PAQR5: variants seen among roughly 807,000 people sequenced by gnomAD.
PAQR5 encodes membrane progestin receptor gamma.
In PAQR5, 20 loss-of-function variants were observed where a neutral mutation model predicts 34.5. The ratio of observed to expected loss-of-function variants is 0.58; its 90% confidence interval spans 0.41 to 0.84. The LOEUF is 0.84. Ranked by LOEUF, PAQR5 falls within the 40% of genes least tolerant of loss-of-function variation. The probability of loss-of-function intolerance (pLI) is 0.00; values close to 1 mark genes in which losing one functional copy is unlikely to be tolerated. For synonymous variants in PAQR5, 131 were observed against 155.6 expected (o/e 0.84, Z 1.18); for missense variants, 378 against 412.7 (o/e 0.92, Z 0.73).
At chr15:69,364,053 C>G (rs1253533255) in intron 3 of PAQR5, among the ~76,000 whole-genome samples, 1 of 152,148 alleles carries the variant, frequency 6.6e-6, no homozygotes, top group Non-Finnish European at 1.5e-5. Flanking sequence ...TCTCAGTGTT[C>G]TTATCTGTAA....
At chr15:69,348,865 G>C (rs776625664) in intron 2 of PAQR5, among the ~76,000 whole-genome samples, 2 of 152,206 alleles carry the variant, frequency 1.3e-5, no homozygotes, top group African/African-American at 4.8e-5. Context: ...GCCCGATGGA[G>C]TGGGATGGTG....
At chr15:69,351,359 T>G (rs2054913678) in intron 2 of PAQR5, among the ~76,000 whole-genome samples, 2 of 152,260 alleles carry the variant, frequency 1.3e-5, no homozygotes, top group South Asian at 4.1e-4. Flanking sequence ...CAGTGGATTA[T>G]CACAAGCTTA....
chr15:69,339,192 T>G (rs1314834712), intron 2 of PAQR5, among the ~76,000 whole-genome samples: 1 of 120,152 alleles, frequency 8.3e-6, no homozygotes, highest in Non-Finnish European at 2.0e-5. Flanking sequence ...GCCACCAAGT[T>G]ATCCTTAAAA....
chr15:69,351,098 C>G (rs2054906227), intron 2 of PAQR5, among the ~76,000 whole-genome samples: 1 of 152,310 alleles, frequency 6.6e-6, no homozygotes, highest in Admixed American at 6.5e-5. Context: ...TGGGAGAATC[C>G]CCACATTGCT....
chr15:69,381,868 C>T (rs747026129), intron 4 of PAQR5, among the ~76,000 whole-genome samples: 1 of 152,184 alleles, frequency 6.6e-6, no homozygotes, highest in Non-Finnish European at 1.5e-5. Context: ...TCAGCTCCTG[C>T]ATATGAAAAG....
At position 69,322,729 on chromosome 15, in the gene PAQR5, A is replaced by G. The variant is rs60270671; in HGVS notation, c.-276-14612A>G. ...GAAGAAGAAGAAGAAGAAGAAGAAG[A>G]AGAAGAAGAAGAAGAAGAAGAAGAA... On this transcript the variant is annotated intron_variant, in intron 1 of 8. Transcript: ENST00000395407. Among the ~76,000 whole-genome samples, 265 of 28,122 alleles carry G rather than the reference A, an allele frequency of 9.4e-3. 16 individuals are homozygous for G. The highest frequency in any genetic ancestry group is 0.061 in the East Asian group (43 of 700). 18.4% of individuals were successfully genotyped at this position (28,122 alleles called of 152,430 possible).
At chr15:69,402,947 G>A (rs929287474) in intron 8 of PAQR5, among the ~76,000 whole-genome samples, 1 of 152,238 alleles carries the variant, frequency 6.6e-6, no homozygotes, top group African/African-American at 2.4e-5. Context: ...AGGGCACCAT[G>A]TGAGCTGGGT....
chr15:69,346,597 C>T (rs998098281), intron 2 of PAQR5, among the ~76,000 whole-genome samples: 1 of 149,802 alleles, frequency 6.7e-6, no homozygotes, highest in Non-Finnish European at 1.5e-5. Flanking sequence ...GTATTATAAG[C>T]GTGAGCTACC....
chr15:69,356,491 C>T (rs940929167), intron 2 of PAQR5, among the ~76,000 whole-genome samples: 2 of 152,130 alleles, frequency 1.3e-5, no homozygotes, highest in Non-Finnish European at 2.9e-5. Context: ...ATAAAATATA[C>T]ATAACATTTA....
At chr15:69,390,344 A>ATT (rs201375546) in intron 6 of PAQR5, among the ~76,000 whole-genome samples, 1 of 118,994 alleles carries the variant, frequency 8.4e-6, no homozygotes, top group Non-Finnish European at 1.9e-5. Context: ...TTATTTATTT[A>ATT]TTTATTTATT....
At chr15:69,319,818 G>GTCTTGGTTCTGC (rs2054052376) in intron 1 of PAQR5, among the ~76,000 whole-genome samples, 1 of 152,188 alleles carries the variant, frequency 6.6e-6, no homozygotes. Context: ...TTGTCTGGGG[G>GTCTTGGTTCTGC]TCTTGGTTCT....
At position 69,390,348 on chromosome 15, in the gene PAQR5, A is replaced by ATTTTT. The variant is rs67519047; in HGVS notation, c.512+571_512+572insTTTTT. ...TATTTATTTATTTATTTATTTATTT[A>ATTTTT]TTTATTTATTTATTTTTTTGAGACA... is the stretch of plus-strand genomic sequence containing the variant. On this transcript the variant is annotated intron_variant, in intron 6 of 8. Coordinates refer to ENST00000395407, the MANE Select transcript of PAQR5 (RefSeq NM_017705.4). 5.4e-3 allele frequency among the ~76,000 whole-genome samples: 675 copies of ATTTTT among 124,794 alleles called. 34 individuals are homozygous for ATTTTT. Among genetic ancestry groups the ATTTTT allele is most frequent in the Non-Finnish European group, 7.5e-3 (430 of 57,024 alleles). 81.9% of individuals were successfully genotyped at this position (124,794 alleles called of 152,430 possible).
chr15:69,368,518 A>G (rs1237195287), intron 3 of PAQR5, among the ~76,000 whole-genome samples: 1 of 152,238 alleles, frequency 6.6e-6, no homozygotes, highest in African/African-American at 2.4e-5. Context: ...CAATAATGCT[A>G]GAAATGTATC....
intron 2 of PAQR5, among the ~76,000 whole-genome samples, chr15:69,343,116 G>A (rs1482663324): frequency 6.6e-6 from 1 of 152,224 alleles, no homozygotes; most frequent in Non-Finnish European, 1.5e-5. Flanking sequence ...CTTCTCAGAA[G>A]CTTCCCAGTC....
At chr15:69,402,537 C>T (rs1446013446) in intron 8 of PAQR5, among the ~76,000 whole-genome samples, 1 of 151,912 alleles carries the variant, frequency 6.6e-6, no homozygotes, top group Admixed American at 6.6e-5. Flanking sequence ...AAAATGGTCT[C>T]TATCTCCTGA....
At chr15:69,358,632 C>CTTTTTTTTTTTTTT (rs1567019143) in intron 2 of PAQR5, among the ~76,000 whole-genome samples, 2 of 6,572 alleles carry the variant, frequency 3.0e-4, no homozygotes, top group Admixed American at 1.7e-3. Context: ...AGCTCTGTGG[C>CTTTTTTTTTTTTTT]ATTTTTTTTT....
intron 2 of PAQR5, among the ~76,000 whole-genome samples, chr15:69,347,993 G>A (rs903487963): frequency 3.9e-5 from 6 of 152,260 alleles, no homozygotes; most frequent in South Asian, 2.1e-4. Context: ...CAGTTTCAAA[G>A]CCTCCAATCT....
intron 3 of PAQR5, among the ~76,000 whole-genome samples, chr15:69,376,845 C>T (rs1321280829): frequency 1.3e-5 from 2 of 152,186 alleles, no homozygotes; most frequent in Admixed American, 6.5e-5. Flanking sequence ...CTTTTGACGA[C>T]GTCAGTCCCC....
chr15:69,381,970 G>C (rs1567031963), intron 4 of PAQR5, among the ~76,000 whole-genome samples: 1 of 152,304 alleles, frequency 6.6e-6, no homozygotes, highest in East Asian at 1.9e-4. Flanking sequence ...CTGCAGGCGG[G>C]ACCTCATGCG....
Sources: gnomAD v4.1 joint callset for allele counts (sites outside exome capture counted in the v4.1 genomes callset) on GRCh38, gnomAD v4.1.1 for gene constraint, MANE v1.5 for transcripts, NCBI Gene and HGNC (gene_info 2026-07-23, HGNC 2026-07-21) for gene names.